Variants in FBP2 observed in about 807,000 individuals in gnomAD.
FBP2 encodes fructose-bisphosphatase 2, also known as fructose-1,6-bisphosphatase isozyme 2.
In FBP2, 27 loss-of-function variants were observed where a neutral mutation model predicts 31.6. The ratio of observed to expected loss-of-function variants is 0.85; its 90% confidence interval spans 0.63 to 1.18. The LOEUF is 1.18. Ranked by LOEUF, FBP2 falls within the 50% of genes most tolerant of loss-of-function variation. The probability of loss-of-function intolerance (pLI) is 0.00; values close to 1 mark genes in which losing one functional copy is unlikely to be tolerated. For missense variants in FBP2, 421 were observed against 436.1 expected (o/e 0.97, Z 0.31); for synonymous variants, 168 against 179.8 (o/e 0.93, Z 0.53).
intron 2 of FBP2, among the ~76,000 whole-genome samples, chr9:94,585,365 C>T (rs1827415146): frequency 6.6e-6 from 1 of 152,118 alleles, no homozygotes; most frequent in South Asian, 2.1e-4. Flanking sequence ...GTGTTCAAGG[C>T]CCTGGGGTTT....
chr9:94,583,701 G>A (rs1827394858), intron 3 of FBP2, among the ~76,000 whole-genome samples: 1 of 152,190 alleles, frequency 6.6e-6, no homozygotes, highest in Non-Finnish European at 1.5e-5. Context: ...CTGGGTTCAA[G>A]CAATTCTCTT....
Position 94,593,765 on chromosome 9 carries a change from A to C in FBP2, c.-39T>G. The C allele has an allele frequency of 1.2e-6, 2 of 1,609,152 alleles. No individual in the cohort carries two copies. The highest frequency in any genetic ancestry group is 1.7e-6 in the Non-Finnish European group (2 of 1,177,158). ...CTTCAAATCCTTTTCTCCCGGCAGG[A>C]AACCTTGCTTACTTCTGAGGGCTGC... On this transcript the variant is annotated 5_prime_UTR_variant, in exon 1 of 7. Transcript: ENST00000375337.
intron 1 of FBP2, among the ~76,000 whole-genome samples, chr9:94,591,237 G>A (rs1191265966): frequency 6.6e-6 from 1 of 152,248 alleles, no homozygotes; most frequent in African/African-American, 2.4e-5. Context: ...GGAGCCCATG[G>A]AGTGGATGGG....
chr9:94,559,345 C>T (rs890056937), intron 6 of FBP2, among the ~76,000 whole-genome samples: 4 of 152,236 alleles, frequency 2.6e-5, no homozygotes, highest in Non-Finnish European at 5.9e-5. Context: ...GGGGGCCCCT[C>T]TGGCCAGGTG....
chr9:94,572,151 C>T (rs642952), intron 3 of FBP2, among the ~76,000 whole-genome samples: 73,906 of 151,932 alleles, frequency 0.49, 18,612 homozygotes, highest in African/African-American at 0.61. Context: ...TCTCACTTGC[C>T]TCTCTTCCCG....
At chr9:94,593,114 T>A (rs1341357783) in intron 1 of FBP2, among the ~76,000 whole-genome samples, 1 of 152,176 alleles carries the variant, frequency 6.6e-6, no homozygotes. Flanking sequence ...CTACCAAGCT[T>A]CCTATGTCGT....
chr9:94,559,154 T>C, intron 6 of FBP2, 22 bp from the exon 7 acceptor site: 1 of 1,600,738 alleles, frequency 6.2e-7, no homozygotes, highest in Non-Finnish European at 8.5e-7. Flanking sequence ...CAGAGGCAGG[T>C]GAGTAAACTC....
intron 1 of FBP2, among the ~76,000 whole-genome samples, chr9:94,590,597 A>G (rs113371138): frequency 2.6e-4 from 39 of 152,156 alleles, no homozygotes; most frequent in African/African-American, 9.2e-4. Flanking sequence ...TCGTGGTCTC[A>G]CTGGGCTCAG....
chr9:94,593,665 T>G lies in FBP2; in HGVS notation c.62A>C (p.Lys21Thr). Residue 21 changes from lysine to threonine, a missense_variant, in exon 1 of 7, where the codon AAG (lysine) becomes ACG (threonine). Lys to Thr is a moderately conservative substitution (Grantham distance 78). Coordinates refer to ENST00000375337, the MANE Select transcript of FBP2 (RefSeq NM_003837.4). The part of the protein sequence containing the change: ...MLTLTRYVME[K>T]GRQAKGTGEL... Reference sequence around the variant, plus strand: ...CCCAGTCCCTTTGGCCTGACGCCCCTTTTCCATAACGTAGCGGGTCAGGGT... The same window carrying G: ...CCCAGTCCCTTTGGCCTGACGCCCCGTTTCCATAACGTAGCGGGTCAGGGT... 6.2e-7 allele frequency: 1 copy of G among 1,614,182 alleles called. No individual in the cohort carries two copies. Among genetic ancestry groups the G allele is most frequent in the South Asian group, 1.1e-5 (1 of 91,076 alleles).
chr9:94,586,934 G>A (rs111840848), intron 2 of FBP2: 12,443 of 165,024 alleles, frequency 0.075, 593 homozygotes, highest in Middle Eastern at 0.15. Flanking sequence ...CCGGCTGGGG[G>A]CGGGGGTGGA....
chr9:94,559,070 C>G lies in FBP2; in HGVS notation c.888G>C (p.Ala296=), dbSNP rs748384122. The change falls in exon 7 of 7, where the codon GCG becomes GCC. Residue 296 remains alanine, a synonymous_variant. Coordinates refer to ENST00000375337, the MANE Select transcript of FBP2 (RefSeq NM_003837.4). ...AYIIEQAGGL[A]TTGTQPVLDV... Reference sequence around the variant, plus strand: ...CCAGTACAGGCTGGGTCCCCGTGGTCGCCAAGCCTCCTGCCTGCTCAATGA... The same window carrying G: ...CCAGTACAGGCTGGGTCCCCGTGGTGGCCAAGCCTCCTGCCTGCTCAATGA... The G allele has an allele frequency of 6.2e-7, 1 of 1,614,050 alleles. No individual in the cohort carries two copies. Among genetic ancestry groups the G allele is most frequent in the Non-Finnish European group, 8.5e-7 (1 of 1,180,018 alleles).
At chr9:94,572,097 G>T (rs1021419496) in intron 3 of FBP2, among the ~76,000 whole-genome samples, 6 of 152,132 alleles carry the variant, frequency 3.9e-5, no homozygotes, top group African/African-American at 1.4e-4. Context: ...CCAGCAGCAG[G>T]AAGCCCTGAT....
chr9:94,580,374 G>A (rs546848235), intron 3 of FBP2, among the ~76,000 whole-genome samples: 57 of 152,252 alleles, frequency 3.7e-4, no homozygotes, highest in African/African-American at 1.3e-3. Flanking sequence ...GGTCCAACAC[G>A]CCCAGCTAAT....
chr9:94,570,715 A>G lies in FBP2; in HGVS notation c.567+747T>C, dbSNP rs1198030250. Reference sequence around the variant, plus strand: ...ATGGGCATACAGGTGAAAAGATTCTATTTGAAAAGTTTCTGGGTTTCCATA... The same window carrying G: ...ATGGGCATACAGGTGAAAAGATTCTGTTTGAAAAGTTTCTGGGTTTCCATA... On this transcript the variant is annotated intron_variant, in intron 4 of 6. Transcript: ENST00000375337. 4 of 152,182 alleles carry G rather than the reference A, an allele frequency of 2.6e-5. 1 individual carries two copies. Among genetic ancestry groups the G allele is most frequent in the South Asian group, 4.1e-4 (2 of 4,830 alleles). 9.4% of individuals were successfully genotyped at this position (152,182 alleles called of 1,614,324 possible). A position where few individuals can be genotyped will look rare whatever the true frequency, so the allele number is the denominator to read the frequency against.
At chr9:94,575,340 T>G (rs1827305904) in intron 3 of FBP2, among the ~76,000 whole-genome samples, 2 of 152,200 alleles carry the variant, frequency 1.3e-5, no homozygotes, top group African/African-American at 4.8e-5. Flanking sequence ...TCACCAAATC[T>G]AACTTTATCT....
At chr9:94,572,352 G>A (rs1827278594) in intron 3 of FBP2, among the ~76,000 whole-genome samples, 1 of 151,868 alleles carries the variant, frequency 6.6e-6, no homozygotes, top group African/African-American at 2.4e-5. Context: ...TATTTGATGG[G>A]GTCAAGGATA....
chr9:94,587,192 A>G, intron 2 of FBP2, 115 bp downstream of exon 2: 1 of 936,550 alleles, frequency 1.1e-6, no homozygotes, highest in Non-Finnish European at 1.6e-6. Context: ...GTTTCCAGAA[A>G]ACAAATGTTA....
intron 3 of FBP2, chr9:94,577,385 T>C (rs1827325595): frequency 6.6e-6 from 1 of 152,238 alleles, no homozygotes; most frequent in Non-Finnish European, 1.5e-5. Flanking sequence ...TGGTTACATA[T>C]TCTGGCCCAT....
At chr9:94,564,416 C>T (rs190615288) in intron 5 of FBP2, among the ~76,000 whole-genome samples, 7 of 152,268 alleles carry the variant, frequency 4.6e-5, no homozygotes, top group African/African-American at 1.7e-4. Context: ...AACCTAAATG[C>T]CCATCAGTGG....
Sources: allele counts gnomAD v4.1 joint callset (sites outside exome capture counted in the v4.1 genomes callset), GRCh38; gene constraint gnomAD v4.1.1; transcripts MANE v1.5; gene names NCBI Gene and HGNC (gene_info 2026-07-23, HGNC 2026-07-21).